The following TYW1 variants were observed in gnomAD, a reference collection of about 807,000 sequenced individuals.
TYW1 encodes the protein S-adenosyl-L-methionine-dependent tRNA 4-demethylwyosine synthase TYW1.
Under a neutral mutation model 96.2 loss-of-function variants are expected in TYW1, and 46 were observed. The observed-to-expected ratio is 0.48, with a 90% CI of 0.38 to 0.61. TYW1 has a LOEUF of 0.61. Among genes scored for constraint, TYW1 ranks in the 20% least tolerant of loss-of-function variants. The pLI, the probability that TYW1 is intolerant of heterozygous loss-of-function variation, is 0.00. For synonymous variants in TYW1, 274 were observed against 323.0 expected (o/e 0.85, Z 1.63); for missense variants, 684 against 909.6 (o/e 0.75, Z 3.19).
rs1801983031 is a variant in TYW1 at position 67,239,121 on chromosome 7, T to C, written c.*592T>C. 1.0e-6 allele frequency: 1 copy of C among 986,626 alleles called. No homozygotes were observed. Among genetic ancestry groups the C allele is most frequent in the African/African-American group, 1.7e-5 (1 of 57,246 alleles). 61.1% of individuals were successfully genotyped at this position (986,626 alleles called of 1,614,324 possible). ...TTACCAACCCTTCCCAGAATTGCGT[T>C]GGATCTAAAACTACTAGATCTCATC... is the stretch of plus-strand genomic sequence containing the variant. On this transcript the variant is annotated 3_prime_UTR_variant, in exon 16 of 16. Transcript: ENST00000359626.
intron 7 of TYW1, among the ~76,000 whole-genome samples, chr7:67,031,801 A>G (rs1794682039): frequency 6.9e-6 from 1 of 144,986 alleles, no homozygotes; most frequent in Non-Finnish European, 1.5e-5. Flanking sequence ...AGAGGGAACA[A>G]TGTGCCTTTA....
chr7:67,160,000 T>C (rs1799110880), intron 13 of TYW1, among the ~76,000 whole-genome samples: 2 of 152,038 alleles, frequency 1.3e-5, no homozygotes. Context: ...AGATGGGGTA[T>C]CACTGTGTTA....
At chr7:67,094,642 GAGAATT>G (rs1796832059) in intron 11 of TYW1, among the ~76,000 whole-genome samples, 1 of 130,982 alleles carries the variant, frequency 7.6e-6, no homozygotes, top group South Asian at 2.8e-4. Context: ...AAGAGAGAGA[GAGAATT>G]AGAGTGTGTG....
intron 7 of TYW1, among the ~76,000 whole-genome samples, chr7:67,040,901 A>G (rs1794999585): frequency 6.6e-6 from 1 of 152,044 alleles, no homozygotes; most frequent in East Asian, 1.9e-4. Flanking sequence ...AGAGTTTGGG[A>G]TAATTTGTGG....
At chr7:67,047,659 A>G (rs1028638779) in intron 7 of TYW1, among the ~76,000 whole-genome samples, 2 of 141,714 alleles carry the variant, frequency 1.4e-5, no homozygotes, top group African/African-American at 5.2e-5. Flanking sequence ...TTTTTTTCTC[A>G]TTTGGTACAT....
intron 7 of TYW1, among the ~76,000 whole-genome samples, chr7:67,044,629 CTTTTTCTTT>C (rs1413126530): frequency 6.6e-6 from 1 of 152,050 alleles, no homozygotes; most frequent in Non-Finnish European, 1.5e-5. Flanking sequence ...CCAATCTTCT[CTTTTTCTTT>C]TCTTTGAGAC....
intron 15 of TYW1, among the ~76,000 whole-genome samples, chr7:67,217,379 T>A (rs920254069): frequency 6.6e-6 from 1 of 152,212 alleles, no homozygotes; most frequent in African/African-American, 2.4e-5. Context: ...TCTAAGAGTC[T>A]TATAGTTTTA....
rs1002908895 is a variant in TYW1, at chr7:67,233,024, T to G, written c.1978-5284T>G. Among the ~76,000 whole-genome samples the G allele has an allele frequency of 3.2e-4, 22 of 68,450 alleles. 3 individuals are homozygous for G. Among genetic ancestry groups the G allele is most frequent in the Non-Finnish European group, 4.8e-4 (17 of 35,722 alleles). 44.9% of individuals were successfully genotyped at this position (68,450 alleles called of 152,430 possible). A position where few individuals can be genotyped will look rare whatever the true frequency, so the allele number is the denominator to read the frequency against. On this transcript the variant is annotated intron_variant, in intron 15 of 15. Coordinates refer to ENST00000359626, the MANE Select transcript of TYW1 (RefSeq NM_018264.4). ...TGTCGGGGGAACTAGTGCAGCCAGT[T>G]TCTGAGCCTTTGAGGAATTCTAAAG...
intron 9 of TYW1, 97 bp downstream of exon 9, chr7:67,055,984 T>C: frequency 2.1e-6 from 2 of 938,172 alleles, no homozygotes; most frequent in South Asian, 4.2e-5. Context: ...AGAGGTATAA[T>C]TTACATTTAA....
Position 66,998,770 on chromosome 7 carries a change from G to T in TYW1, c.136-47G>T, listed in dbSNP as rs779525488. ...TAATTTTCATCCCTGCTGAAGTTGG[G>T]AAACGATTTAGACTTGATGGATTTT... On this transcript the variant is annotated intron_variant, in intron 2 of 15. Transcript: ENST00000359626. The T allele has an allele frequency of 1.9e-6, 3 of 1,604,334 alleles. No individual in the cohort carries two copies. In the East Asian group the frequency reaches 6.7e-5, roughly 36 times the overall value.
intron 11 of TYW1, among the ~76,000 whole-genome samples, chr7:67,087,564 T>A (rs1222072632): frequency 6.6e-6 from 1 of 151,672 alleles, no homozygotes; most frequent in Non-Finnish European, 1.5e-5. Flanking sequence ...ATACAGTATC[T>A]ATTTTACCCT....
At chr7:67,148,098 A>G (rs1798663990) in intron 13 of TYW1, among the ~76,000 whole-genome samples, 1 of 151,930 alleles carries the variant, frequency 6.6e-6, no homozygotes, top group Non-Finnish European at 1.5e-5. Flanking sequence ...GAAGGGTCAC[A>G]GAAGGCTTTG....
At chr7:67,022,039 T>A (rs1018318430) in intron 6 of TYW1, among the ~76,000 whole-genome samples, 1 of 152,104 alleles carries the variant, frequency 6.6e-6, no homozygotes, top group Non-Finnish European at 1.5e-5. Flanking sequence ...GCCTCCTGAG[T>A]AGCTGGGCCT....
intron 13 of TYW1, among the ~76,000 whole-genome samples, chr7:67,144,061 A>G (rs1422111562): frequency 6.6e-6 from 1 of 152,216 alleles, no homozygotes; most frequent in Admixed American, 6.5e-5. Flanking sequence ...AGTTTAATGA[A>G]ATTTTATATA....
intron 13 of TYW1, among the ~76,000 whole-genome samples, chr7:67,129,441 T>C (rs1185102747): frequency 6.6e-6 from 1 of 152,218 alleles, no homozygotes; most frequent in African/African-American, 2.4e-5. Context: ...TCCAGCACTT[T>C]GTCAATTACA....
intron 12 of TYW1, among the ~76,000 whole-genome samples, chr7:67,102,868 C>G (rs1396873648): frequency 6.6e-6 from 1 of 152,132 alleles, no homozygotes. Context: ...GCAGGATGGT[C>G]TCGATCTCCT....
intron 7 of TYW1, among the ~76,000 whole-genome samples, chr7:67,028,100 A>G (rs925729798): frequency 2.7e-5 from 4 of 150,232 alleles, no homozygotes; most frequent in Admixed American, 2.0e-4. Context: ...TAAGCTGGGC[A>G]TAGTGGCGCA....
chr7:67,099,075 G>C (rs1366183706), intron 12 of TYW1, among the ~76,000 whole-genome samples: 2 of 149,698 alleles, frequency 1.3e-5, no homozygotes, highest in Non-Finnish European at 3.0e-5. Flanking sequence ...TCCCCGGCTT[G>C]AGTGCAGTGG....
intron 10 of TYW1, among the ~76,000 whole-genome samples, chr7:67,068,063 C>T (rs188531523): frequency 6.6e-6 from 1 of 150,828 alleles, no homozygotes; most frequent in East Asian, 1.9e-4. Context: ...CTCTTGTTGC[C>T]CAGGGTGGAG....
Sources: gnomAD v4.1 joint callset for allele counts (sites outside exome capture counted in the v4.1 genomes callset) on GRCh38, gnomAD v4.1.1 for gene constraint, MANE v1.5 for transcripts, NCBI Gene and HGNC (gene_info 2026-07-23, HGNC 2026-07-21) for gene names.